The following TMEM132C variants were observed in gnomAD, a reference collection of about 807,000 sequenced individuals.
TMEM132C encodes transmembrane protein 132C.
In TMEM132C, 29 loss-of-function variants were observed where a neutral mutation model predicts 61.4. The observed-to-expected ratio is 0.47, with a 90% confidence interval of 0.35 to 0.64. The LOEUF is 0.64. Ranked by LOEUF, TMEM132C falls within the 30% of genes least tolerant of loss-of-function variation. TMEM132C has a pLI of 0.00. For synonymous variants in TMEM132C, 656 were observed against 633.1 expected, an observed-to-expected ratio of 1.04 and a Z score of -0.54; for missense variants, 1,408 against 1,476.9, an observed-to-expected ratio of 0.95 and a Z score of 0.76.
At position 128,706,700 on chromosome 12, in the gene TMEM132C, G is replaced by C. The variant is rs558104992; in HGVS notation, c.*405G>C. On this transcript the variant is annotated 3_prime_UTR_variant, in exon 9 of 9. Coordinates refer to ENST00000435159, the MANE Select transcript of TMEM132C (RefSeq NM_001136103.3). ...ATAAAGGAGCAAAATATAAAAATAG[G>C]ACCTGCTAAGAGACATTTTCCATTC... 1 of 157,942 alleles carries C rather than the reference G, an allele frequency of 6.3e-6. No individual in the cohort carries two copies. Among genetic ancestry groups the C allele is most frequent in the East Asian group, 1.9e-4 (1 of 5,324 alleles). The allele number at this position is 157,942 out of a possible 1,614,324, so 9.8% of individuals were successfully genotyped here. A position where few individuals can be genotyped will look rare whatever the true frequency, so the allele number is the denominator to read the frequency against.
chr12:128,454,487 G>T (rs1870279230), intron 2 of TMEM132C, among the ~76,000 whole-genome samples: 1 of 152,230 alleles, frequency 6.6e-6, no homozygotes, highest in Non-Finnish European at 1.5e-5. Flanking sequence ...AAATTACTCA[G>T]AAATATAGAA....
intron 1 of TMEM132C, among the ~76,000 whole-genome samples, chr12:128,350,756 C>T (rs543755490): frequency 4.2e-4 from 64 of 152,126 alleles, no homozygotes; most frequent in African/African-American, 1.3e-3. Context: ...GCTGAGCGCT[C>T]GACCACCCAG....
chr12:128,627,382 AT>A, intron 4 of TMEM132C, among the ~76,000 whole-genome samples: 1 of 152,014 alleles, frequency 6.6e-6, no homozygotes, highest in South Asian at 2.1e-4. Flanking sequence ...CTGTCTGATC[AT>A]TATCTGACAT....
chr12:128,418,979 G>T (rs1868880727), intron 2 of TMEM132C, among the ~76,000 whole-genome samples: 1 of 152,048 alleles, frequency 6.6e-6, no homozygotes, highest in Admixed American at 6.6e-5. Context: ...TAGATACGTT[G>T]TGTGTTTCTG....
chr12:128,569,708 A>C (rs1482396843), intron 3 of TMEM132C, among the ~76,000 whole-genome samples: 3 of 152,220 alleles, frequency 2.0e-5, no homozygotes, highest in Non-Finnish European at 4.4e-5. Context: ...ACAGTCAGCA[A>C]ACATCTGTTG....
chr12:128,683,923 G>A (rs530719748), intron 5 of TMEM132C, among the ~76,000 whole-genome samples: 7 of 152,062 alleles, frequency 4.6e-5, no homozygotes, highest in South Asian at 2.1e-4. Flanking sequence ...CCAAGATTGC[G>A]CCATTGCACT....
At chr12:128,409,324 C>T (rs994496497) in intron 1 of TMEM132C, among the ~76,000 whole-genome samples, 1 of 152,098 alleles carries the variant, frequency 6.6e-6, no homozygotes, top group Non-Finnish European at 1.5e-5. Context: ...TGGAGTTGAG[C>T]CTGTGAGCCC....
chr12:128,580,473 A>G (rs560550688), intron 3 of TMEM132C, among the ~76,000 whole-genome samples: 8 of 152,270 alleles, frequency 5.3e-5, no homozygotes, highest in African/African-American at 1.9e-4. Flanking sequence ...ATAACCCATG[A>G]AATAGCCTGG....
chr12:128,356,885 T>C (rs1309170850), intron 1 of TMEM132C, among the ~76,000 whole-genome samples: 1 of 152,238 alleles, frequency 6.6e-6, no homozygotes, highest in African/African-American at 2.4e-5. Context: ...TGCTTATTTC[T>C]ACCTTAAATA....
intron 1 of TMEM132C, among the ~76,000 whole-genome samples, chr12:128,337,473 C>G (rs1369578144): frequency 6.6e-6 from 1 of 152,130 alleles, no homozygotes; most frequent in Admixed American, 6.5e-5. Context: ...GCATTCCTAC[C>G]TTTTTCTGAT....
intron 1 of TMEM132C, among the ~76,000 whole-genome samples, chr12:128,290,156 G>A (rs941998813): frequency 2.0e-5 from 3 of 152,130 alleles, no homozygotes; most frequent in African/African-American, 7.2e-5. Context: ...GTGATGCTGG[G>A]ACACTGTATG....
chr12:128,597,486 A>G (rs191473058), intron 3 of TMEM132C, among the ~76,000 whole-genome samples: 33 of 87,090 alleles, frequency 3.8e-4, no homozygotes, highest in African/African-American at 1.3e-3. Context: ...GGAAGGAAGG[A>G]AGGAAGGAAA....
chr12:128,361,343 T>C (rs1873703112), intron 1 of TMEM132C, among the ~76,000 whole-genome samples: 1 of 152,158 alleles, frequency 6.6e-6, no homozygotes, highest in African/African-American at 2.4e-5. Context: ...TGAGGACTTG[T>C]GTGCAGTTTT....
intron 1 of TMEM132C, among the ~76,000 whole-genome samples, chr12:128,359,013 TC>T (rs369695012): frequency 6.6e-6 from 1 of 152,120 alleles, no homozygotes; most frequent in South Asian, 2.1e-4. Context: ...CATCCAGTGC[TC>T]CCAGCAGCAA....
chr12:128,401,379 G>C (rs1379629014), intron 1 of TMEM132C, among the ~76,000 whole-genome samples: 1 of 148,036 alleles, frequency 6.8e-6, no homozygotes, highest in Non-Finnish European at 1.5e-5. Flanking sequence ...CTCTGTCATA[G>C]GCAGGAGAAA....
chr12:128,659,546 C>T (rs1002891426), intron 4 of TMEM132C, among the ~76,000 whole-genome samples: 4 of 152,228 alleles, frequency 2.6e-5, no homozygotes, highest in African/African-American at 7.2e-5. Context: ...GCTCTGTGGA[C>T]GTCTGTACGT....
intron 1 of TMEM132C, among the ~76,000 whole-genome samples, chr12:128,406,343 A>G (rs1351293372): frequency 6.6e-6 from 1 of 152,220 alleles, no homozygotes; most frequent in Admixed American, 6.5e-5. Flanking sequence ...ACTGAGTCAC[A>G]TGGTATTCAA....
chr12:128,685,051 AG>A (rs957942459), intron 5 of TMEM132C, among the ~76,000 whole-genome samples: 5 of 152,198 alleles, frequency 3.3e-5, no homozygotes, highest in African/African-American at 1.2e-4. Flanking sequence ...CTCCAGGACA[AG>A]AAGCTCTGAC....
chr12:128,643,762 T>G (rs1469524426), intron 4 of TMEM132C, among the ~76,000 whole-genome samples: 1 of 152,232 alleles, frequency 6.6e-6, no homozygotes, highest in Non-Finnish European at 1.5e-5. Flanking sequence ...TTTCTTTAGA[T>G]TTTCACTTAT....
Sources: allele counts gnomAD v4.1 joint callset (sites outside exome capture counted in the v4.1 genomes callset), GRCh38; gene constraint gnomAD v4.1.1; transcripts MANE v1.5; gene names NCBI Gene and HGNC (gene_info 2026-07-23, HGNC 2026-07-21).